PDE11A: variants seen among roughly 807,000 people sequenced by gnomAD.
The protein encoded by PDE11A is dual 3',5'-cyclic-AMP and -GMP phosphodiesterase 11A.
A neutral mutation model predicts 100.5 loss-of-function variants in PDE11A; 100 were observed. The observed-to-expected ratio is 1.00, with a 90% confidence interval of 0.85 to 1.18. The LOEUF is 1.18. Ranked by LOEUF, PDE11A falls within the 50% of genes most tolerant of loss-of-function variation. The probability of loss-of-function intolerance (pLI) is 0.00; values close to 1 mark genes in which losing one functional copy is unlikely to be tolerated. For synonymous variants in PDE11A, 381 were observed against 420.8 expected (o/e 0.91, Z 1.16); for missense variants, 1,141 against 1,152.6 (o/e 0.99, Z 0.15).
At chr2:177,725,149 A>G (rs2105444086) in intron 12 of PDE11A, among the ~76,000 whole-genome samples, 1 of 152,224 alleles carries the variant, frequency 6.6e-6, no homozygotes. Context: ...TCATTTTACC[A>G]TAGGCCGAGT....
At chr2:177,832,089 T>C (rs2083319507) in intron 6 of PDE11A, among the ~76,000 whole-genome samples, 1 of 152,112 alleles carries the variant, frequency 6.6e-6, no homozygotes, top group South Asian at 2.1e-4. Flanking sequence ...CTCTCTAAAA[T>C]AATAATTGGC....
At chr2:177,826,505 C>T (rs912695842) in intron 6 of PDE11A, among the ~76,000 whole-genome samples, 3 of 152,198 alleles carry the variant, frequency 2.0e-5, no homozygotes, top group Admixed American at 6.5e-5. Flanking sequence ...CCTTGATTTC[C>T]ATGAAATAAT....
intron 2 of PDE11A, among the ~76,000 whole-genome samples, chr2:177,983,033 G>A (rs111304566): frequency 0.01 from 1,581 of 150,618 alleles, 46 homozygotes; most frequent in African/African-American, 0.035. Flanking sequence ...CTGAGATCGC[G>A]CCATTACACT....
intron 13 of PDE11A, among the ~76,000 whole-genome samples, chr2:177,706,387 A>G (rs1037695799): frequency 2.0e-5 from 3 of 152,230 alleles, no homozygotes; most frequent in African/African-American, 7.2e-5. Flanking sequence ...TGTTTGCTAT[A>G]TCTCTTTATT....
intron 2 of PDE11A, among the ~76,000 whole-genome samples, chr2:178,085,053 A>C (rs2087331944): frequency 6.6e-6 from 1 of 152,212 alleles, no homozygotes; most frequent in Non-Finnish European, 1.5e-5. Context: ...GAATGAGAAG[A>C]TACTTGGAGC....
rs1574073183 is a variant in PDE11A at position 177,624,369 on chromosome 2, T to C, written c.*5038A>G. The C allele has an allele frequency of 6.6e-6, 1 of 152,160 alleles. No homozygotes were observed. Among genetic ancestry groups the C allele is most frequent in the East Asian group, 1.9e-4 (1 of 5,188 alleles). 9.4% of individuals were successfully genotyped at this position (152,160 alleles called of 1,614,324 possible). ...AATTGTTTCACACTATTACTGGAGA[T>C]GAAACTGGTTTTTGTCTTTCTGCAA... On this transcript the variant is annotated 3_prime_UTR_variant, in exon 20 of 20. Coordinates refer to ENST00000286063, the MANE Select transcript of PDE11A (RefSeq NM_016953.4).
At chr2:177,937,319 C>CTTTTT (rs33967413) in intron 2 of PDE11A, among the ~76,000 whole-genome samples, 8 of 125,726 alleles carry the variant, frequency 6.4e-5, no homozygotes, top group Admixed American at 1.7e-4. Flanking sequence ...AAATTGAAAG[C>CTTTTT]TTTTTTTTTT....
intron 2 of PDE11A, among the ~76,000 whole-genome samples, chr2:177,936,378 G>T (rs1227894240): frequency 1.3e-5 from 2 of 151,826 alleles, no homozygotes; most frequent in Non-Finnish European, 2.9e-5. Flanking sequence ...TTTCATTCAG[G>T]TTCAAAAAAA....
At chr2:177,639,568 T>C (rs1445462799) in intron 19 of PDE11A, among the ~76,000 whole-genome samples, 1 of 152,206 alleles carries the variant, frequency 6.6e-6, no homozygotes, top group African/African-American at 2.4e-5. Flanking sequence ...AATCCTGCTG[T>C]AAAAACACAT....
intron 2 of PDE11A, among the ~76,000 whole-genome samples, chr2:177,981,006 ACACACACAC>A (rs2085874422): frequency 1.4e-5 from 2 of 147,690 alleles, no homozygotes; most frequent in African/African-American, 4.9e-5. Flanking sequence ...ACACACACAC[ACACACACAC>A]ACACAGCAGA....
chr2:178,028,765 G>C (rs549333880), intron 1 of PDE11A, among the ~76,000 whole-genome samples: 1 of 152,214 alleles, frequency 6.6e-6, no homozygotes, highest in East Asian at 1.9e-4. Context: ...GGTTTTGCTG[G>C]GCTAGAAAGA....
intron 15 of PDE11A, among the ~76,000 whole-genome samples, chr2:177,690,675 G>C (rs567248124): frequency 6.6e-6 from 1 of 152,164 alleles, no homozygotes; most frequent in Non-Finnish European, 1.5e-5. Context: ...CATCAGACTG[G>C]GCATTTTCCA....
intron 1 of PDE11A, among the ~76,000 whole-genome samples, chr2:178,024,988 T>G (rs2086461153): frequency 6.6e-6 from 1 of 152,240 alleles, no homozygotes. Context: ...GAGATTACAC[T>G]GCATAAAAAC....
At chr2:177,765,525 A>G (rs1161337777) in intron 10 of PDE11A, among the ~76,000 whole-genome samples, 1 of 152,290 alleles carries the variant, frequency 6.6e-6, no homozygotes, top group African/African-American at 2.4e-5. Context: ...CATCGATGCC[A>G]TCAGCTTCTG....
chr2:177,676,534 G>A (rs374195007), intron 16 of PDE11A, among the ~76,000 whole-genome samples: 4 of 151,834 alleles, frequency 2.6e-5, no homozygotes, highest in South Asian at 2.1e-4. Context: ...TGGCAGGGGG[G>A]TCCCCCCACA....
At chr2:177,808,816 G>C (rs2082908603) in intron 9 of PDE11A, among the ~76,000 whole-genome samples, 1 of 152,004 alleles carries the variant, frequency 6.6e-6, no homozygotes, top group African/African-American at 2.4e-5. Flanking sequence ...GTTTTCCCCT[G>C]ACCCAAAAAG....
At chr2:177,659,652 C>A (rs2080444477) in intron 19 of PDE11A, among the ~76,000 whole-genome samples, 1 of 152,152 alleles carries the variant, frequency 6.6e-6, no homozygotes, top group African/African-American at 2.4e-5. Context: ...AAATAAGGAG[C>A]CAGAACTTAG....
At chr2:177,910,426 C>A (rs565610573) in intron 2 of PDE11A, among the ~76,000 whole-genome samples, 27 of 87,912 alleles carry the variant, frequency 3.1e-4, no homozygotes, top group East Asian at 3.0e-3. Flanking sequence ...CTCTCTCTCT[C>A]TCTATATATA....
At chr2:177,991,663 C>T (rs912442461) in intron 2 of PDE11A, among the ~76,000 whole-genome samples, 4 of 150,882 alleles carry the variant, frequency 2.7e-5, no homozygotes, top group South Asian at 4.3e-4. Context: ...TAATAATATA[C>T]CTTATATTTG....
Sources: allele counts gnomAD v4.1 joint callset (sites outside exome capture counted in the v4.1 genomes callset), GRCh38; gene constraint gnomAD v4.1.1; transcripts MANE v1.5; gene names NCBI Gene and HGNC (gene_info 2026-07-23, HGNC 2026-07-21).